Variants in MEF2A observed in about 807,000 individuals in gnomAD.
MEF2A encodes the protein myocyte enhancer factor 2A, also known as myocyte-specific enhancer factor 2A.
A neutral mutation model predicts 55.8 loss-of-function variants in MEF2A; 28 were observed. The observed-to-expected ratio is 0.50, with a 90% CI of 0.37 to 0.69. The LOEUF (loss-of-function observed/expected upper bound fraction) is 0.69, where lower values mean the gene tolerates loss of function less well. Ranked by LOEUF, MEF2A falls within the 30% of genes least tolerant of loss-of-function variation. The probability of loss-of-function intolerance (pLI) is 0.00; values close to 1 mark genes in which losing one functional copy is unlikely to be tolerated. For missense variants in MEF2A, 528 were observed against 626.2 expected (o/e 0.84, Z 1.67); for synonymous variants, 239 against 227.1 (o/e 1.05, Z -0.47).
intron 4 of MEF2A, among the ~76,000 whole-genome samples, chr15:99,656,716 T>A (rs1485713845): frequency 6.6e-6 from 1 of 152,128 alleles, no homozygotes; most frequent in East Asian, 1.9e-4. Flanking sequence ...TCCTTAACTA[T>A]CATGTGAAAT....
intron 1 of MEF2A, among the ~76,000 whole-genome samples, chr15:99,567,425 A>G (rs1189988463): frequency 1.3e-5 from 2 of 152,192 alleles, no homozygotes; most frequent in Non-Finnish European, 2.9e-5. Flanking sequence ...TTAAGAATCC[A>G]GCTGTGTTGT....
intron 3 of MEF2A, among the ~76,000 whole-genome samples, chr15:99,642,063 GT>G (rs1048634948): frequency 1.3e-5 from 2 of 152,010 alleles, no homozygotes; most frequent in African/African-American, 4.8e-5. Context: ...TACTTCCTGA[GT>G]TTTTTTATGT....
At position 99,675,451 on chromosome 15, in the gene MEF2A, T is replaced by A; in HGVS notation, c.663T>A (p.Ser221Arg). 1 of 1,613,676 alleles carries A rather than the reference T, an allele frequency of 6.2e-7. No homozygotes were observed. Residue 221 changes from serine (S) to arginine (R), a missense_variant, in exon 7 of 12, where the codon AGT (serine) becomes AGA (arginine). This residue lies in a region of MEF2A where 450 missense variants were observed against 475.3 expected (regional missense o/e 0.95). Coordinates refer to ENST00000557942, the MANE Select transcript of MEF2A (RefSeq NM_001319206.4). ...DLTVPNGAGS[S>R]PVGNGFVNSR... ...CAGTGCCAAATGGAGCTGGAAGCAGTCCAGTGGGTGAGTGAATTCCTACTC... is the reference window on the plus strand; with the variant it reads ...CAGTGCCAAATGGAGCTGGAAGCAGACCAGTGGGTGAGTGAATTCCTACTC...
intron 1 of MEF2A, among the ~76,000 whole-genome samples, chr15:99,581,062 A>T (rs185178552): frequency 1.2e-3 from 180 of 152,058 alleles, no homozygotes; most frequent in Non-Finnish European, 2.2e-3. Context: ...TAAAGTTGGA[A>T]TTGTGTAGAA....
chr15:99,658,498 G>A (rs960015131), intron 4 of MEF2A, among the ~76,000 whole-genome samples: 11 of 152,054 alleles, frequency 7.2e-5, no homozygotes, highest in African/African-American at 2.7e-4. Flanking sequence ...ACAGAGAATC[G>A]GGTAGAGGCA....
In MEF2A at chr15:99,571,671, A is replaced by T. The variant is rs76894122; in HGVS notation, c.-225+5567A>T. On this transcript the variant is annotated intron_variant, in intron 1 of 11. Coordinates refer to ENST00000557942, the MANE Select transcript of MEF2A (RefSeq NM_001319206.4). ...GATATTCACTTGGAAGTCTAGTTGG[A>T]ATCTCAAGTATAATATAAATGATGT... is the stretch of plus-strand genomic sequence containing the variant. 8.1e-3 allele frequency among the ~76,000 whole-genome samples: 1,235 copies of T among 152,280 alleles called. 38 individuals are homozygous for T. The highest frequency in any genetic ancestry group is 0.072 in the East Asian group (373 of 5,190).
chr15:99,694,712 C>T (rs1326861798), intron 8 of MEF2A, among the ~76,000 whole-genome samples: 1 of 152,208 alleles, frequency 6.6e-6, no homozygotes, highest in African/African-American at 2.4e-5. Context: ...GTTCAGCCCA[C>T]ACTTTTAAGG....
At chr15:99,699,818 G>C (rs1567482245) in intron 8 of MEF2A, among the ~76,000 whole-genome samples, 1 of 151,854 alleles carries the variant, frequency 6.6e-6, no homozygotes, top group Non-Finnish European at 1.5e-5. Context: ...TAAACAAATG[G>C]ACATTGTAGA....
intron 2 of MEF2A, among the ~76,000 whole-genome samples, chr15:99,628,553 T>G (rs1353692446): frequency 6.6e-6 from 1 of 152,200 alleles, no homozygotes; most frequent in African/African-American, 2.4e-5. Context: ...CTTAGCTGTT[T>G]GTGCTTTTAC....
chr15:99,626,578 C>T (rs1273970170), intron 2 of MEF2A, among the ~76,000 whole-genome samples: 2 of 151,864 alleles, frequency 1.3e-5, no homozygotes, highest in Admixed American at 6.6e-5. Flanking sequence ...GTATGTGTGT[C>T]TTTTAGCTTT....
At chr15:99,616,796 G>A (rs528941543) in intron 2 of MEF2A, among the ~76,000 whole-genome samples, 2 of 151,944 alleles carry the variant, frequency 1.3e-5, no homozygotes, top group African/African-American at 4.8e-5. Flanking sequence ...GTTTTCTTTC[G>A]GTCGATGGGT....
intron 1 of MEF2A, among the ~76,000 whole-genome samples, chr15:99,587,218 C>G (rs1343022724): frequency 6.6e-6 from 1 of 152,050 alleles, no homozygotes; most frequent in Non-Finnish European, 1.5e-5. Context: ...GTCCCCCACC[C>G]CATGACAGGC....
chr15:99,642,709 G>A (rs2045251926), intron 3 of MEF2A, among the ~76,000 whole-genome samples: 1 of 152,138 alleles, frequency 6.6e-6, no homozygotes, highest in African/African-American at 2.4e-5. Context: ...TTTAGAACAA[G>A]ATTCTTCACT....
chr15:99,584,090 C>T (rs754164111), intron 1 of MEF2A, among the ~76,000 whole-genome samples: 13 of 152,040 alleles, frequency 8.6e-5, no homozygotes, highest in East Asian at 5.8e-4. Flanking sequence ...CATATCTAAA[C>T]GTGGAAAGGG....
Position 99,572,528 on chromosome 15 carries a change from C to CACAG in MEF2A, c.-225+6425_-225+6426insCAGA, listed in dbSNP as rs1555442459. ...TACCTGAATGTAAACTCCATAAAGG[C>CACAG]AGAGGCCTTGTTCATCTTACTCTTA... is the stretch of plus-strand genomic sequence containing the variant. On this transcript the variant is annotated intron_variant, in intron 1 of 11. Transcript: ENST00000557942. 3.9e-5 allele frequency among the ~76,000 whole-genome samples: 6 copies of CACAG among 151,968 alleles called. No homozygotes were observed. In the East Asian group the frequency reaches 1.2e-3, roughly 29 times the overall value.
chr15:99,712,939 T>A lies in MEF2A; in HGVS notation c.*168T>A, dbSNP rs2153834376. 1.3e-6 allele frequency: 1 copy of A among 788,686 alleles called. No individual in the cohort carries two copies. Among genetic ancestry groups the A allele is most frequent in the Non-Finnish European group, 2.0e-6 (1 of 509,456 alleles). The allele number at this position is 788,686 out of a possible 1,614,324, so 48.9% of individuals were successfully genotyped here. A position where few individuals can be genotyped will look rare whatever the true frequency, so the allele number is the denominator to read the frequency against. ...TGAGTGTGTATGTGTGGGTGTGTGT[T>A]ACATACACAGAATCAGGCACTTACC... On this transcript the variant is annotated 3_prime_UTR_variant, in exon 12 of 12. Coordinates refer to ENST00000557942, the MANE Select transcript of MEF2A (RefSeq NM_001319206.4). The surrounding 1 kb of genome is among the most constrained non-coding windows in gnomAD (Gnocchi z 4.1).
chr15:99,632,555 G>A (rs1036776670), intron 2 of MEF2A, among the ~76,000 whole-genome samples: 1 of 152,132 alleles, frequency 6.6e-6, no homozygotes, highest in African/African-American at 2.4e-5. Flanking sequence ...CCCTTACTAC[G>A]TGACCTTGGG....
Position 99,633,128 on chromosome 15 carries a change from G to A in MEF2A, c.9G>A (p.Arg3=), listed in dbSNP as rs1360753639. 1.9e-6 allele frequency: 3 copies of A among 1,599,106 alleles called. No homozygotes were observed. Among genetic ancestry groups the A allele is most frequent in the Non-Finnish European group, 2.6e-6 (3 of 1,173,800 alleles). Residue 3 remains arginine, a synonymous_variant, in exon 3 of 12, where the codon CGG becomes CGA. Coordinates refer to ENST00000557942, the MANE Select transcript of MEF2A (RefSeq NM_001319206.4). Reference sequence around the variant, plus strand: ...AGGAAAGTTGACTGAAAATGGGGCGGAAGAAAATACAAATCACACGCATAA... The same window carrying A: ...AGGAAAGTTGACTGAAAATGGGGCGAAAGAAAATACAAATCACACGCATAA... MG[R]KKIQITRIMD...
chr15:99,704,759 T>C (rs150431069), intron 9 of MEF2A, among the ~76,000 whole-genome samples: 191 of 152,346 alleles, frequency 1.3e-3, no homozygotes, highest in African/African-American at 3.5e-3. Context: ...ATTGGACTTA[T>C]GAAGTTCCAG....
Sources: gnomAD v4.1 joint callset for allele counts (sites outside exome capture counted in the v4.1 genomes callset) on GRCh38, gnomAD v4.1.1 for gene constraint, gnomAD v4.1.1 regional missense constraint, Gnocchi (gnomAD v3.1) non-coding constraint, MANE v1.5 for transcripts, NCBI Gene and HGNC (gene_info 2026-07-23, HGNC 2026-07-21) for gene names.